Variants in ARB2A observed in about 807,000 individuals in gnomAD.
ARB2A encodes ARB2 cotranscriptional regulator A.
At chr5:93,765,295 C>CCCATT in the ARB2A span, among the ~76,000 whole-genome samples, 1 of 152,104 alleles carries the variant, frequency 6.6e-6, no homozygotes, top group South Asian at 2.1e-4. Flanking sequence ...TCTAGAAAAC[C>CCCATT]CCATTGTCTC....
At chr5:93,852,498 C>A in the ARB2A span, among the ~76,000 whole-genome samples, 9 of 152,078 alleles carry the variant, frequency 5.9e-5, no homozygotes, top group African/African-American at 1.9e-4. Context: ...GTTGCCATTG[C>A]TTTTGGTGTT....
the ARB2A span, among the ~76,000 whole-genome samples, chr5:93,948,100 A>G: frequency 6.6e-6 from 1 of 152,260 alleles, no homozygotes; most frequent in African/African-American, 2.4e-5. Context: ...TGACTTCCAC[A>G]AGGGTTGAAC....
At chr5:94,014,575 T>C in the ARB2A span, among the ~76,000 whole-genome samples, 2 of 151,904 alleles carry the variant, frequency 1.3e-5, no homozygotes, top group Admixed American at 1.3e-4. Flanking sequence ...CCTAATGAGA[T>C]AGTAATGTAT....
chr5:93,836,938 C>T, the ARB2A span, among the ~76,000 whole-genome samples: 18 of 152,118 alleles, frequency 1.2e-4, no homozygotes, highest in African/African-American at 4.3e-4. Flanking sequence ...CAATTTGTTT[C>T]TACCTTTTAG....
the ARB2A span, among the ~76,000 whole-genome samples, chr5:93,854,583 C>G: frequency 2.0e-5 from 3 of 152,134 alleles, no homozygotes; most frequent in African/African-American, 4.8e-5. Flanking sequence ...GCTTTCTCTT[C>G]TGGGCATTTA....
the ARB2A span, among the ~76,000 whole-genome samples, chr5:93,685,712 T>G: frequency 8.4e-4 from 128 of 152,338 alleles, 1 homozygote; most frequent in African/African-American, 3.0e-3. Context: ...TGTGTCAAGG[T>G]GAGAGGAAAC....
At chr5:93,905,429 TG>T in the ARB2A span, among the ~76,000 whole-genome samples, 1 of 151,664 alleles carries the variant, frequency 6.6e-6, no homozygotes, top group Non-Finnish European at 1.5e-5. Flanking sequence ...AACTATTAAT[TG>T]GAAGAGGGTG....
the ARB2A span, among the ~76,000 whole-genome samples, chr5:93,817,308 C>A: frequency 1.3e-5 from 2 of 152,042 alleles, no homozygotes; most frequent in Admixed American, 6.5e-5. Context: ...ACACTGAAAA[C>A]AACAAAGCAT....
At chr5:93,930,886 G>A in the ARB2A span, among the ~76,000 whole-genome samples, 10 of 152,078 alleles carry the variant, frequency 6.6e-5, no homozygotes, top group African/African-American at 9.7e-5. Context: ...TTGTTACATA[G>A]GTATATGTGT....
At chr5:93,836,639 A>C in the ARB2A span, among the ~76,000 whole-genome samples, 1 of 152,220 alleles carries the variant, frequency 6.6e-6, no homozygotes, top group East Asian at 1.9e-4. Flanking sequence ...TCATTTTGGC[A>C]TATTTTAAAT....
At chr5:93,984,366 A>C in the ARB2A span, among the ~76,000 whole-genome samples, 1 of 152,194 alleles carries the variant, frequency 6.6e-6, no homozygotes, top group Non-Finnish European at 1.5e-5. Flanking sequence ...TTTCAATAAA[A>C]ATGCAGCAGA....
chr5:93,683,809 C>T, the ARB2A span: 1 of 1,076,178 alleles, frequency 9.3e-7, no homozygotes. Flanking sequence ...GGAATCACAC[C>T]AGGCAAAAAG....
the ARB2A span, among the ~76,000 whole-genome samples, chr5:93,754,364 C>T: frequency 7.2e-5 from 11 of 152,228 alleles, no homozygotes; most frequent in Non-Finnish European, 1.5e-4. Context: ...TTGCAGTTCA[C>T]TGCTGTGTCC....
At chr5:93,937,975 C>T in the ARB2A span, among the ~76,000 whole-genome samples, 2 of 152,032 alleles carry the variant, frequency 1.3e-5, no homozygotes, top group Non-Finnish European at 2.9e-5. Flanking sequence ...TATTTTGAAC[C>T]TATGGTTGGA....
the ARB2A span, among the ~76,000 whole-genome samples, chr5:93,674,584 C>T: frequency 6.6e-6 from 1 of 152,184 alleles, no homozygotes; most frequent in Admixed American, 6.5e-5. Context: ...CTTTATCCCT[C>T]AAGCCAAAGA....
the ARB2A span, among the ~76,000 whole-genome samples, chr5:94,027,566 ATAGT>A: frequency 6.6e-6 from 1 of 152,218 alleles, no homozygotes; most frequent in Non-Finnish European, 1.5e-5. Context: ...GAGCTTCTGA[ATAGT>A]TAAACACACA....
At chr5:93,948,069 A>T in the ARB2A span, among the ~76,000 whole-genome samples, 2 of 152,100 alleles carry the variant, frequency 1.3e-5, no homozygotes, top group African/African-American at 4.8e-5. Flanking sequence ...CTAGTTCTAG[A>T]TCCCTGAGGA....
chr5:93,680,635 A>G, the ARB2A span, among the ~76,000 whole-genome samples: 1 of 152,158 alleles, frequency 6.6e-6, no homozygotes, highest in Non-Finnish European at 1.5e-5. Context: ...ACCACCTACT[A>G]TCAGCCAGAT....
the ARB2A span, among the ~76,000 whole-genome samples, chr5:93,951,336 G>A: frequency 6.6e-5 from 10 of 152,230 alleles, no homozygotes; most frequent in South Asian, 6.2e-4. Context: ...GATTTGAGGC[G>A]ATCCCGTTTG....
Sources: gnomAD v4.1 joint callset for allele counts (sites outside exome capture counted in the v4.1 genomes callset) on GRCh38, gnomAD v4.1.1 for gene constraint, MANE v1.5 for transcripts, NCBI Gene and HGNC (gene_info 2026-07-23, HGNC 2026-07-21) for gene names.